The following ANP32A variants were observed in gnomAD, a reference collection of about 807,000 sequenced individuals.
ANP32A encodes the protein acidic leucine-rich nuclear phosphoprotein 32 family member A.
Under a neutral mutation model 33.9 loss-of-function variants are expected in ANP32A, and 1 was observed. The observed-to-expected ratio is 0.03, with a 90% CI of 0.01 to 0.14. ANP32A has a LOEUF of 0.14. Among genes scored for constraint, ANP32A ranks in the 10% least tolerant of loss-of-function variants. The pLI, the probability that ANP32A is intolerant of heterozygous loss-of-function variation, is 1.00. For missense variants in ANP32A, 155 were observed against 306.0 expected, an observed-to-expected ratio of 0.51 and a Z score of 3.68; for synonymous variants, 115 against 120.5, an observed-to-expected ratio of 0.95 and a Z score of 0.30.
chr15:68,810,496 C>A (rs971530682), intron 1 of ANP32A, among the ~76,000 whole-genome samples: 1 of 152,054 alleles, frequency 6.6e-6, no homozygotes, highest in African/African-American at 2.4e-5. Flanking sequence ...TTTTGGAGCA[C>A]CCAGGTGGAG....
intron 1 of ANP32A, among the ~76,000 whole-genome samples, chr15:68,805,101 T>C (rs1894198310): frequency 1.3e-5 from 2 of 152,188 alleles, no homozygotes; most frequent in Non-Finnish European, 1.5e-5. Context: ...GAGTCCTGCC[T>C]CACCATCTCT....
chr15:68,792,314 G>A (rs981385428), intron 1 of ANP32A: 2 of 152,140 alleles, frequency 1.3e-5, no homozygotes, highest in African/African-American at 2.4e-5. Context: ...TGTATCAGAA[G>A]CTTTTCCAAC....
intron 2 of ANP32A, 45 bp downstream of exon 2, chr15:68,787,725 T>TCCCCCCCCCC: frequency 1.9e-6 from 3 of 1,597,688 alleles, no homozygotes. Context: ...CCCTTCCCAC[T>TCCCCCCCCCC]CCCCACCCCC....
chr15:68,784,620 C>CAGTA, intron 3 of ANP32A, 25 bp from the exon 4 acceptor site: 1 of 1,613,080 alleles, frequency 6.2e-7, no homozygotes, highest in South Asian at 1.1e-5. Flanking sequence ...ATGAAGCCAA[C>CAGTA]AGTAAGTGAT....
intron 1 of ANP32A, among the ~76,000 whole-genome samples, chr15:68,808,238 G>A (rs896999): frequency 0.78 from 119,356 of 152,104 alleles, 51,496 homozygotes; most frequent in Non-Finnish European, 0.96. Context: ...AAAAATACAC[G>A]GACTGGGGCA....
intron 1 of ANP32A, 76 bp downstream of exon 1, chr15:68,820,622 C>A: frequency 3.7e-6 from 3 of 816,272 alleles, no homozygotes; most frequent in East Asian, 1.2e-4. Context: ...AAAGTGCCTC[C>A]CCCCAGCGCG....
intron 1 of ANP32A, among the ~76,000 whole-genome samples, chr15:68,810,552 T>A (rs1894297770): frequency 1.3e-5 from 2 of 152,072 alleles, no homozygotes. Flanking sequence ...ACTTCAAACC[T>A]CAGAGAGCAG....
At chr15:68,781,531 G>A (rs985342508) in intron 5 of ANP32A, 3 of 151,646 alleles carry the variant, frequency 2.0e-5, no homozygotes, top group South Asian at 2.1e-4. Context: ...CTTTAGAGAT[G>A]AGCCTAAGAG....
intron 1 of ANP32A, among the ~76,000 whole-genome samples, chr15:68,805,744 G>A (rs576730275): frequency 1.6e-4 from 24 of 152,282 alleles, no homozygotes; most frequent in African/African-American, 5.5e-4. Context: ...GCACTTGAGT[G>A]CTCAAATGCC....
At chr15:68,809,773 G>A (rs1376133607) in intron 1 of ANP32A, among the ~76,000 whole-genome samples, 2 of 152,192 alleles carry the variant, frequency 1.3e-5, no homozygotes, top group East Asian at 1.9e-4. Flanking sequence ...AAAGTGACAA[G>A]AAGGTATAAG....
intron 1 of ANP32A, chr15:68,801,746 G>GCT (rs1894139255): frequency 6.5e-6 from 1 of 154,572 alleles, no homozygotes; most frequent in Admixed American, 6.5e-5. Flanking sequence ...TTAAACTGTA[G>GCT]CACTTTGCCA....
intron 1 of ANP32A, chr15:68,790,803 A>C (rs1338710792): frequency 6.6e-6 from 1 of 152,178 alleles, no homozygotes; most frequent in Non-Finnish European, 1.5e-5. Flanking sequence ...CCAGACCCCC[A>C]AGTCAATTCT....
At chr15:68,816,037 C>A (rs1894375585) in intron 1 of ANP32A, among the ~76,000 whole-genome samples, 1 of 152,324 alleles carries the variant, frequency 6.6e-6, no homozygotes, top group South Asian at 2.1e-4. Context: ...TCCACTTCAA[C>A]CTAACCCACT....
intron 1 of ANP32A, 62 bp downstream of exon 1, chr15:68,820,632 GCACA>G (rs35802209): frequency 7.4e-5 from 70 of 943,348 alleles, no homozygotes; most frequent in Middle Eastern, 3.0e-4. Context: ...CCCCCAGCGC[GCACA>G]CACACACACA....
chr15:68,814,767 G>A (rs1377421809), intron 1 of ANP32A, among the ~76,000 whole-genome samples: 1 of 151,512 alleles, frequency 6.6e-6, no homozygotes, highest in Non-Finnish European at 1.5e-5. Flanking sequence ...AAAGCAGCAG[G>A]CCAAAAACTA....
chr15:68,820,344 C>T (rs914386228), intron 1 of ANP32A, among the ~76,000 whole-genome samples: 1 of 152,128 alleles, frequency 6.6e-6, no homozygotes, highest in Non-Finnish European at 1.5e-5. Flanking sequence ...GACGGAGTCA[C>T]GGGAGCAGCG....
intron 1 of ANP32A, among the ~76,000 whole-genome samples, chr15:68,807,417 C>A (rs1388731096): frequency 1.4e-5 from 1 of 69,924 alleles, no homozygotes; most frequent in Non-Finnish European, 3.6e-5. Flanking sequence ...CGCCCCACCT[C>A]CACAGAAAAC....
chr15:68,818,533 G>A (rs1426300336), intron 1 of ANP32A, among the ~76,000 whole-genome samples: 1 of 151,986 alleles, frequency 6.6e-6, no homozygotes, highest in Non-Finnish European at 1.5e-5. Flanking sequence ...CAGGCAGGGG[G>A]CAGGCGTGTG....
intron 1 of ANP32A, chr15:68,790,807 C>T (rs943340085): frequency 1.3e-5 from 2 of 152,230 alleles, no homozygotes; most frequent in African/African-American, 2.4e-5. Flanking sequence ...ACCCCCAAGT[C>T]AATTCTACAA....
Sources: allele counts gnomAD v4.1 joint callset (sites outside exome capture counted in the v4.1 genomes callset), GRCh38; gene constraint gnomAD v4.1.1; transcripts MANE v1.5; gene names NCBI Gene and HGNC (gene_info 2026-07-23, HGNC 2026-07-21).